The following LONRF2 variants were observed in gnomAD, a reference collection of about 807,000 sequenced individuals.
LONRF2 encodes the protein LON peptidase N-terminal domain and ring finger 2.
A neutral mutation model predicts 66.6 loss-of-function variants in LONRF2; 35 were observed. The observed-to-expected ratio is 0.53, with a 90% CI of 0.40 to 0.70. The LOEUF (loss-of-function observed/expected upper bound fraction) is 0.70. Among genes scored for constraint, LONRF2 ranks in the 30% least tolerant of loss-of-function variants. LONRF2 has a pLI of 0.00. For missense variants in LONRF2, 902 were observed against 1,002.1 expected (o/e 0.90, Z 1.35); for synonymous variants, 417 against 418.1 (o/e 1.00, Z 0.03).
At chr2:100,287,977 C>A (rs1317453354) in intron 10 of LONRF2, among the ~76,000 whole-genome samples, 1 of 152,068 alleles carries the variant, frequency 6.6e-6, no homozygotes, top group Non-Finnish European at 1.5e-5. Flanking sequence ...CATATACCAC[C>A]CTCAATTTGA....
chr2:100,281,065 TATAAC>T lies in LONRF2; in HGVS notation c.*3228_*3232del, dbSNP rs1427854806. On this transcript the variant is annotated 3_prime_UTR_variant, in exon 12 of 12. Coordinates refer to ENST00000393437, the MANE Select transcript of LONRF2 (RefSeq NM_198461.4). ...GTATTTTTTTAAAGCCCTTAAAAAT[TATAAC>T]AAATTCTATGTAACACAGGCAATGG... is the stretch of plus-strand genomic sequence containing the variant. 2 of 152,170 alleles carry T rather than the reference TATAAC, an allele frequency of 1.3e-5. No homozygotes were observed. The highest frequency in any genetic ancestry group is 2.9e-5 in the Non-Finnish European group (2 of 68,040). 9.4% of individuals were successfully genotyped at this position (152,170 alleles called of 1,614,324 possible). A position where few individuals can be genotyped will look rare whatever the true frequency, so the allele number is the denominator to read the frequency against.
At chr2:100,289,491 AG>A (rs1186441899) in intron 10 of LONRF2, among the ~76,000 whole-genome samples, 3 of 128,426 alleles carry the variant, frequency 2.3e-5, no homozygotes, top group Non-Finnish European at 4.6e-5. Flanking sequence ...GCTGGAGTGC[AG>A]TGGCACGATC....
chr2:100,317,836 C>A lies in LONRF2; in HGVS notation c.679+3579G>T, dbSNP rs193242475. 3.9e-5 allele frequency among the ~76,000 whole-genome samples: 6 copies of A among 152,132 alleles called. No homozygotes were observed. In the East Asian group the frequency reaches 1.2e-3, roughly 29 times the overall value. ...AACTGTCAGTCTTCTATGATTCCTT[C>A]GAAGGAAATATGTCCTGTCTTCTCT... On this transcript the variant is annotated intron_variant, in intron 1 of 11. Coordinates refer to ENST00000393437, the MANE Select transcript of LONRF2 (RefSeq NM_198461.4).
Position 100,322,130 on chromosome 2 carries a change from G to A in LONRF2, c.-37C>T, listed in dbSNP as rs1321566565. 3 of 1,236,690 alleles carry A rather than the reference G, an allele frequency of 2.4e-6. No homozygotes were observed. Among genetic ancestry groups the A allele is most frequent in the African/African-American group, 1.6e-5 (1 of 63,824 alleles). 76.6% of individuals were successfully genotyped at this position (1,236,690 alleles called of 1,614,324 possible). On this transcript the variant is annotated 5_prime_UTR_variant, in exon 1 of 12. Coordinates refer to ENST00000393437, the MANE Select transcript of LONRF2 (RefSeq NM_198461.4). ...TGCGACGACGCGGGTCCGGAGCGAA[G>A]GCGCGGAGCAGGGAGGATGCGCTGC...
At chr2:100,310,093 C>T (rs1277583409) in intron 1 of LONRF2, among the ~76,000 whole-genome samples, 1 of 152,208 alleles carries the variant, frequency 6.6e-6, no homozygotes, top group Admixed American at 6.5e-5. Flanking sequence ...TCCTCAACAG[C>T]AGAGGTCCTG....
At chr2:100,310,063 A>G (rs1267159426) in intron 1 of LONRF2, among the ~76,000 whole-genome samples, 1 of 152,200 alleles carries the variant, frequency 6.6e-6, no homozygotes, top group East Asian at 1.9e-4. Context: ...GAAAGGAAAA[A>G]AAAACTCCTT....
Position 100,278,007 on chromosome 2 carries a change from C to A in LONRF2, c.*6291G>T, listed in dbSNP as rs1171229032. ...ACTTCTCGGAATCCACAATGCTGGG[C>A]TCTGGGAAAAGGCATTCGCTACAAC... On this transcript the variant is annotated 3_prime_UTR_variant, in exon 12 of 12. Transcript: ENST00000393437. The A allele has an allele frequency of 2.0e-5, 3 of 152,178 alleles. No individual in the cohort carries two copies. The East Asian group carries it at 5.8e-4, about 29-fold the overall frequency. 9.4% of individuals were successfully genotyped at this position (152,178 alleles called of 1,614,324 possible). A position where few individuals can be genotyped will look rare whatever the true frequency, so the allele number is the denominator to read the frequency against.
At chr2:100,315,842 T>A (rs1387877106) in intron 1 of LONRF2, among the ~76,000 whole-genome samples, 2 of 152,206 alleles carry the variant, frequency 1.3e-5, no homozygotes, top group African/African-American at 4.8e-5. Flanking sequence ...TCCTTCTTTG[T>A]ACTCTCTTTG....
At position 100,279,203 on chromosome 2, in the gene LONRF2, T is replaced by G. The variant is rs1674661613; in HGVS notation, c.*5095A>C. 6.6e-6 allele frequency: 1 copy of G among 152,084 alleles called. No homozygotes were observed. Among genetic ancestry groups the G allele is most frequent in the Non-Finnish European group, 1.5e-5 (1 of 68,136 alleles). 9.4% of individuals were successfully genotyped at this position (152,084 alleles called of 1,614,324 possible). On this transcript the variant is annotated 3_prime_UTR_variant, in exon 12 of 12. Coordinates refer to ENST00000393437, the MANE Select transcript of LONRF2 (RefSeq NM_198461.4). The stretch of plus-strand genomic sequence containing the variant: ...TACTTATCCTTTACTGAACTATCAG[T>G]GCACACCCCCAGCCACACAACCGCC...
chr2:100,289,705 G>C (rs1369541670), intron 10 of LONRF2, among the ~76,000 whole-genome samples: 1 of 152,046 alleles, frequency 6.6e-6, no homozygotes, highest in Non-Finnish European at 1.5e-5. Context: ...CAAAGTGCTG[G>C]GATTACAGGC....
intron 3 of LONRF2, among the ~76,000 whole-genome samples, chr2:100,301,971 A>G (rs760866528): frequency 2.6e-5 from 4 of 152,250 alleles, no homozygotes; most frequent in Non-Finnish European, 5.9e-5. Flanking sequence ...GGACAACTGA[A>G]TGGGACTAAC....
At chr2:100,319,001 G>A (rs189012704) in intron 1 of LONRF2, among the ~76,000 whole-genome samples, 345 of 150,862 alleles carry the variant, frequency 2.3e-3, no homozygotes, top group African/African-American at 7.7e-3. Context: ...ATGGTAGTGC[G>A]TGCCTGTAAT....
chr2:100,309,081 T>G (rs774018604), intron 2 of LONRF2, 26 bp downstream of exon 2: 1 of 1,398,980 alleles, frequency 7.1e-7, no homozygotes, highest in Non-Finnish European at 9.8e-7. Flanking sequence ...ACATTGATTA[T>G]CTCCAAAGCT....
At chr2:100,291,575 A>C (rs1674960399) in intron 9 of LONRF2, among the ~76,000 whole-genome samples, 1 of 152,034 alleles carries the variant, frequency 6.6e-6, no homozygotes, top group African/African-American at 2.4e-5. Flanking sequence ...GTTCCATTAA[A>C]ATGACTCCAA....
At chr2:100,300,099 T>A (rs1016452566) in intron 4 of LONRF2, among the ~76,000 whole-genome samples, 181 bp from the exon 5 acceptor site, 9 of 152,028 alleles carry the variant, frequency 5.9e-5, no homozygotes, top group Admixed American at 4.6e-4. Context: ...CACAGTAAAA[T>A]ACAGGATAAT....
At chr2:100,292,041 T>A (rs1355789015) in intron 9 of LONRF2, among the ~76,000 whole-genome samples, 1 of 152,208 alleles carries the variant, frequency 6.6e-6, no homozygotes, top group Non-Finnish European at 1.5e-5. Flanking sequence ...GCAGCTTTAC[T>A]ACACGTCCCC....
chr2:100,292,068 G>A (rs1029142047), intron 9 of LONRF2, among the ~76,000 whole-genome samples: 3 of 152,326 alleles, frequency 2.0e-5, no homozygotes, highest in South Asian at 2.1e-4. Flanking sequence ...AAAGAGCAGC[G>A]ATGATTCAAA....
In LONRF2 at chr2:100,274,749, CCCAT is replaced by C. The variant is rs1674563628; in HGVS notation, c.*9545_*9548del. 3 of 152,848 alleles carry C rather than the reference CCCAT, an allele frequency of 2.0e-5. No homozygotes were observed. Among genetic ancestry groups the C allele is most frequent in the Non-Finnish European group, 4.4e-5 (3 of 68,484 alleles). 9.5% of individuals were successfully genotyped at this position (152,848 alleles called of 1,614,324 possible). A position where few individuals can be genotyped will look rare whatever the true frequency, so the allele number is the denominator to read the frequency against. On this transcript the variant is annotated 3_prime_UTR_variant, in exon 12 of 12. Transcript: ENST00000393437. Reference sequence around the variant, plus strand: ...CTGCCAATCCTACACTCTGCCCCCGCCCATCTTCGCCTTTGCCATGGAGACACAG... The same window carrying C: ...CTGCCAATCCTACACTCTGCCCCCGCCTTCGCCTTTGCCATGGAGACACAG...
At position 100,321,623 on chromosome 2, in the gene LONRF2, GGGCAGCGTCACC is replaced by G; in HGVS notation, c.459_470del (p.Val154_Pro157del). On this transcript the variant is annotated inframe_deletion, in exon 1 of 12. Coordinates refer to ENST00000393437, the MANE Select transcript of LONRF2 (RefSeq NM_198461.4). The stretch of plus-strand genomic sequence containing the variant: ...AGCGCTTGCAGACTGTGAGCCCGCA[GGGCAGCGTCACC>G]GGCTTATGCAGCAGCCGCCGGCAGC... 6.7e-7 allele frequency: 1 copy of G among 1,490,118 alleles called. No homozygotes were observed. Among genetic ancestry groups the G allele is most frequent in the Non-Finnish European group, 8.9e-7 (1 of 1,129,424 alleles). The allele number at this position is 1,490,118 out of a possible 1,614,324, so 92.3% of individuals were successfully genotyped here.
Sources: gnomAD v4.1 joint callset for allele counts (sites outside exome capture counted in the v4.1 genomes callset) on GRCh38, gnomAD v4.1.1 for gene constraint, MANE v1.5 for transcripts, NCBI Gene and HGNC (gene_info 2026-07-23, HGNC 2026-07-21) for gene names.